The following RBFOX2 variants were observed in gnomAD, a reference collection of about 807,000 sequenced individuals.
RBFOX2 encodes RNA binding fox-1 homolog 2, also known as RNA binding protein fox-1 homolog 2.
A neutral mutation model predicts 49.1 loss-of-function variants in RBFOX2; 10 were observed. The observed-to-expected ratio is 0.20, with a 90% CI of 0.13 to 0.35. The LOEUF is 0.35. Among genes scored for constraint, RBFOX2 ranks in the 10% least tolerant of loss-of-function variants. The probability of loss-of-function intolerance (pLI) is 1.00; values close to 1 mark genes in which losing one functional copy is unlikely to be tolerated. For synonymous variants in RBFOX2, 183 were observed against 187.4 expected (o/e 0.98, Z 0.19); for missense variants, 323 against 486.9 (o/e 0.66, Z 3.17).
intron 1 of RBFOX2, among the ~76,000 whole-genome samples, chr22:35,931,872 T>C (rs1389216829): frequency 6.6e-6 from 1 of 152,188 alleles, no homozygotes; most frequent in Non-Finnish European, 1.5e-5. Context: ...CATTAGTGGG[T>C]CCAGGAAAAA....
intron 2 of RBFOX2, among the ~76,000 whole-genome samples, chr22:35,804,186 G>A (rs1950276839): frequency 1.3e-5 from 2 of 152,072 alleles, no homozygotes; most frequent in South Asian, 2.1e-4. Flanking sequence ...GCTGAGGCAG[G>A]AGAATTGGTC....
upstream of RBFOX2, among the ~76,000 whole-genome samples, chr22:35,843,089 G>A (rs1248226987): frequency 6.6e-6 from 1 of 152,198 alleles, no homozygotes; most frequent in Non-Finnish European, 1.5e-5. Context: ...TGGTATTATA[G>A]AGGACAATTT....
At chr22:35,821,913 G>A (rs775754517) in intron 1 of RBFOX2, 2 of 518,922 alleles carry the variant, frequency 3.9e-6, no homozygotes, top group African/African-American at 3.8e-5. Context: ...CAGGAAATGG[G>A]AGGAAACCAT....
At chr22:35,814,183 C>T (rs1952495286) in intron 1 of RBFOX2, among the ~76,000 whole-genome samples, 2 of 152,106 alleles carry the variant, frequency 1.3e-5, no homozygotes, top group African/African-American at 4.8e-5. Flanking sequence ...TTCAAACATA[C>T]AGTTGTCCCT....
chr22:35,883,096 T>C (rs2046130901), intron 1 of RBFOX2, among the ~76,000 whole-genome samples: 1 of 152,208 alleles, frequency 6.6e-6, no homozygotes. Context: ...TCCATGACTT[T>C]TGCCTTCATC....
chr22:35,987,547 T>C (rs1278964649), intron 1 of RBFOX2, among the ~76,000 whole-genome samples: 1 of 152,174 alleles, frequency 6.6e-6, no homozygotes, highest in Non-Finnish European at 1.5e-5. Context: ...AGCACTAAAA[T>C]TGAATAGTAA....
intron 4 of RBFOX2, among the ~76,000 whole-genome samples, chr22:35,770,469 T>C (rs1942360952): frequency 6.6e-6 from 1 of 152,106 alleles, no homozygotes; most frequent in Admixed American, 6.5e-5. Flanking sequence ...AATATAACCA[T>C]GAAGTAAAAA....
intron 1 of RBFOX2, chr22:35,999,983 T>TTTTA (rs774680690): frequency 7.4e-6 from 1 of 135,606 alleles, no homozygotes. Context: ...AATATAAAAG[T>TTTTA]TATATATATA....
intron 1 of RBFOX2, among the ~76,000 whole-genome samples, chr22:35,925,182 A>G (rs1236910696): frequency 6.6e-6 from 1 of 151,812 alleles, no homozygotes; most frequent in Non-Finnish European, 1.5e-5. Context: ...ACAGAGCAAG[A>G]CTTTATCTCA....
intron 1 of RBFOX2, among the ~76,000 whole-genome samples, chr22:35,948,512 T>C (rs1437757908): frequency 6.6e-6 from 1 of 151,924 alleles, no homozygotes; most frequent in African/African-American, 2.4e-5. Flanking sequence ...AAGGAGACCC[T>C]GGGTCTATAA....
chr22:35,789,567 CTTTATTTT>C (rs1947173302), intron 2 of RBFOX2, among the ~76,000 whole-genome samples: 1 of 152,038 alleles, frequency 6.6e-6, no homozygotes, highest in Admixed American at 6.6e-5. Context: ...AGATGTAGAC[CTTTATTTT>C]TTCAGTTTCA....
chr22:35,760,367 A>G (rs1343362739), intron 8 of RBFOX2, among the ~76,000 whole-genome samples: 1 of 152,186 alleles, frequency 6.6e-6, no homozygotes, highest in African/African-American at 2.4e-5. Context: ...CAGACTTTTA[A>G]TTACTGTGGG....
At chr22:35,919,311 G>A (rs185183428) in intron 1 of RBFOX2, among the ~76,000 whole-genome samples, 108 of 152,336 alleles carry the variant, frequency 7.1e-4, no homozygotes, top group South Asian at 3.5e-3. Context: ...GCTGAGGCGC[G>A]TGGATCACTT....
intron 1 of RBFOX2, among the ~76,000 whole-genome samples, chr22:35,959,412 C>T (rs1309131099): frequency 1.3e-5 from 2 of 152,208 alleles, no homozygotes; most frequent in African/African-American, 2.4e-5. Context: ...ATTATCTATA[C>T]ACTGGTTTAG....
chr22:36,005,214 T>C (rs2058574855), intron 1 of RBFOX2, among the ~76,000 whole-genome samples: 1 of 152,222 alleles, frequency 6.6e-6, no homozygotes, highest in African/African-American at 2.4e-5. Flanking sequence ...AAAGTCAACA[T>C]GCCTCCCTAG....
chr22:35,941,452 C>T (rs2053679920), upstream of RBFOX2, among the ~76,000 whole-genome samples: 1 of 152,116 alleles, frequency 6.6e-6, no homozygotes, highest in Non-Finnish European at 1.5e-5. Flanking sequence ...AAGTAACTGG[C>T]CCAATAACAC....
At chr22:35,948,149 A>G (rs2149817292) in intron 1 of RBFOX2, among the ~76,000 whole-genome samples, 1 of 152,316 alleles carries the variant, frequency 6.6e-6, no homozygotes, top group Non-Finnish European at 1.5e-5. Flanking sequence ...TTGTGTTACA[A>G]CTGCCTAAAG....
chr22:35,945,544 G>A (rs1333130615), intron 1 of RBFOX2, among the ~76,000 whole-genome samples: 5 of 152,040 alleles, frequency 3.3e-5, no homozygotes, highest in South Asian at 2.1e-4. Flanking sequence ...AGACCCAAGC[G>A]ATCCTCCTAT....
Position 36,028,140 on chromosome 22 carries a change from A to G in RBFOX2, c.186+100T>C, listed in dbSNP as rs935770470. The G allele has an allele frequency of 8.4e-6, 11 of 1,312,640 alleles. No individual in the cohort carries two copies. In the Admixed American group the frequency reaches 2.7e-4, roughly 32 times the overall value. The allele number at this position is 1,312,640 out of a possible 1,614,324, so 81.3% of individuals were successfully genotyped here. ...TGGCCCCCCATCCCACCTCCAACCC[A>G]GGACTCCCGGAGGCCCTCCCTCTCT... On this transcript the variant is annotated intron_variant, in intron 1 of 13. Transcript: ENST00000438146.
Sources: gnomAD v4.1 joint callset for allele counts (sites outside exome capture counted in the v4.1 genomes callset) on GRCh38, gnomAD v4.1.1 for gene constraint, MANE v1.5 for transcripts, NCBI Gene and HGNC (gene_info 2026-07-23, HGNC 2026-07-21) for gene names.